The following SAE1 variants were observed in gnomAD, a reference collection of about 807,000 sequenced individuals.
SAE1 encodes SUMO1 activating enzyme subunit 1.
SAE1 carries 11 observed loss-of-function variants against 40.6 expected under a neutral mutation model. That is an observed-to-expected ratio of 0.27 (90% CI 0.17 to 0.45). SAE1 has a LOEUF of 0.45. Ranked by LOEUF, SAE1 falls within the 20% of genes least tolerant of loss-of-function variation. The probability of loss-of-function intolerance (pLI) is 1.00; values close to 1 mark genes in which losing one functional copy is unlikely to be tolerated. For missense variants in SAE1, 373 were observed against 427.3 expected, an observed-to-expected ratio of 0.87 and a Z score of 1.12; for synonymous variants, 155 against 154.3, an observed-to-expected ratio of 1.00 and a Z score of -0.03.
intron 6 of SAE1, among the ~76,000 whole-genome samples, chr19:47,190,193 A>T (rs1274886598): frequency 6.6e-6 from 1 of 151,934 alleles, no homozygotes; most frequent in Non-Finnish European, 1.5e-5. Flanking sequence ...CAAGTTTGGA[A>T]CTCTAATTTT....
At chr19:47,192,568 A>G (rs752464253) in intron 6 of SAE1, among the ~76,000 whole-genome samples, 6 of 151,042 alleles carry the variant, frequency 4.0e-5, no homozygotes, top group Non-Finnish European at 8.8e-5. Context: ...TTTTTGAGAC[A>G]GCCTCTCTCT....
In SAE1 at chr19:47,171,942, C is replaced by T. The variant is rs148907690; in HGVS notation, c.733+2019C>T. Among the ~76,000 whole-genome samples, 598 of 151,676 alleles carry T rather than the reference C, an allele frequency of 3.9e-3. 5 individuals carry two copies. The highest frequency in any genetic ancestry group is 0.014 in the African/African-American group (568 of 41,368). On this transcript the variant is annotated intron_variant, in intron 6 of 8. Coordinates refer to ENST00000270225, the MANE Select transcript of SAE1 (RefSeq NM_005500.3). ...TATTTATGCATTTATTTTTTTGAGA[C>T]GGAGTCTCACTCTGTCACCCAGGCT...
At chr19:47,193,977 C>T (rs1437189862) in intron 6 of SAE1, among the ~76,000 whole-genome samples, 3 of 151,714 alleles carry the variant, frequency 2.0e-5, no homozygotes, top group Non-Finnish European at 4.4e-5. Context: ...AAGCATAGCC[C>T]AGAAGCAGGG....
intron 2 of SAE1, among the ~76,000 whole-genome samples, chr19:47,149,630 A>G (rs1243379857): frequency 6.6e-6 from 1 of 150,730 alleles, no homozygotes; most frequent in Non-Finnish European, 1.5e-5. Flanking sequence ...TTTGCATAGA[A>G]GAAGAAAGCA....
chr19:47,207,846 G>A (rs2058693901), intron 8 of SAE1, among the ~76,000 whole-genome samples: 1 of 152,066 alleles, frequency 6.6e-6, no homozygotes, highest in African/African-American at 2.4e-5. Flanking sequence ...ATGTTGCCCA[G>A]GCTGGTCTCG....
intron 5 of SAE1, among the ~76,000 whole-genome samples, chr19:47,156,711 G>A (rs566025414): frequency 6.6e-6 from 1 of 152,178 alleles, no homozygotes; most frequent in East Asian, 1.9e-4. Flanking sequence ...TAGAGATGGG[G>A]TTCCACCATG....
chr19:47,136,573 G>A (rs1315169570), intron 1 of SAE1, among the ~76,000 whole-genome samples: 6 of 129,748 alleles, frequency 4.6e-5, no homozygotes, highest in East Asian at 2.8e-4. Context: ...TCAGCTCACC[G>A]CAACCCTTGC....
intron 6 of SAE1, among the ~76,000 whole-genome samples, chr19:47,192,002 C>T (rs1442166707): frequency 4.7e-5 from 7 of 149,782 alleles, no homozygotes; most frequent in African/African-American, 1.2e-4. Flanking sequence ...TGCAGTGAGC[C>T]GAGATCGCGC....
At chr19:47,189,522 C>T (rs968527039) in intron 6 of SAE1, among the ~76,000 whole-genome samples, 12 of 152,054 alleles carry the variant, frequency 7.9e-5, no homozygotes, top group African/African-American at 2.9e-4. Flanking sequence ...GATCGCGCCA[C>T]TGCACTCCAG....
chr19:47,172,842 C>T (rs564594508), intron 6 of SAE1, among the ~76,000 whole-genome samples: 11 of 152,066 alleles, frequency 7.2e-5, no homozygotes, highest in African/African-American at 1.4e-4. Context: ...TGCTCTGTGC[C>T]GGGCGTTTTC....
intron 4 of SAE1, among the ~76,000 whole-genome samples, chr19:47,154,835 A>T (rs1176583174): frequency 6.6e-6 from 1 of 152,176 alleles, no homozygotes; most frequent in African/African-American, 2.4e-5. Flanking sequence ...TAGAGTGTTT[A>T]CAAAGTAATC....
intron 5 of SAE1, among the ~76,000 whole-genome samples, chr19:47,168,094 G>A (rs2058405875): frequency 6.6e-6 from 1 of 152,102 alleles, no homozygotes; most frequent in African/African-American, 2.4e-5. Flanking sequence ...TGGGGGCGCT[G>A]AGGCACGAGA....
intron 5 of SAE1, among the ~76,000 whole-genome samples, chr19:47,165,192 C>T (rs995885981): frequency 2.8e-5 from 4 of 143,718 alleles, no homozygotes; most frequent in South Asian, 2.2e-4. Flanking sequence ...TGGGTTCAAG[C>T]GATTCTCCTG....
chr19:47,196,890 TA>T (rs1296988182), intron 6 of SAE1, among the ~76,000 whole-genome samples: 1 of 151,328 alleles, frequency 6.6e-6, no homozygotes, highest in Non-Finnish European at 1.5e-5. Context: ...GTTGAATAAA[TA>T]AAAAAAGGTG....
chr19:47,168,738 G>A (rs2058412178), intron 5 of SAE1, among the ~76,000 whole-genome samples: 1 of 152,010 alleles, frequency 6.6e-6, no homozygotes, highest in East Asian at 1.9e-4. Context: ...CAGGTAGTTG[G>A]GATTACAGGT....
intron 1 of SAE1, among the ~76,000 whole-genome samples, chr19:47,131,918 C>G (rs911530061): frequency 2.0e-5 from 3 of 151,752 alleles, no homozygotes; most frequent in Non-Finnish European, 4.4e-5. Context: ...CGAGACTGGT[C>G]TCGATCTCCT....
intron 1 of SAE1, among the ~76,000 whole-genome samples, chr19:47,137,155 G>C (rs60424665): frequency 6.6e-6 from 1 of 152,064 alleles, no homozygotes; most frequent in Admixed American, 6.6e-5. Flanking sequence ...TTGAGAGGCC[G>C]AGGTGGGTGG....
intron 3 of SAE1, among the ~76,000 whole-genome samples, chr19:47,151,842 A>G (rs548824250): frequency 1.2e-4 from 18 of 152,346 alleles, no homozygotes; most frequent in Non-Finnish European, 5.9e-5. Context: ...GTGTGAGGCC[A>G]GTTGATTGTG....
intron 1 of SAE1, 119 bp downstream of exon 1, chr19:47,131,147 C>G (rs748377759): frequency 7.0e-7 from 1 of 1,430,364 alleles, no homozygotes; most frequent in Admixed American, 3.1e-5. Flanking sequence ...GAATTCTGTG[C>G]TCTGGGATCG....
Sources: gnomAD v4.1 joint callset for allele counts (sites outside exome capture counted in the v4.1 genomes callset) on GRCh38, gnomAD v4.1.1 for gene constraint, MANE v1.5 for transcripts, NCBI Gene and HGNC (gene_info 2026-07-23, HGNC 2026-07-21) for gene names.